The following ARHGAP42 variants were observed in gnomAD, a reference collection of about 807,000 sequenced individuals.
ARHGAP42 encodes rho GTPase-activating protein 42.
ARHGAP42 carries 63 observed loss-of-function variants against 125.0 expected under a neutral mutation model. The observed-to-expected ratio is 0.50, with a 90% CI of 0.41 to 0.62. ARHGAP42 has a LOEUF of 0.62. Among genes scored for constraint, ARHGAP42 ranks in the 20% least tolerant of loss-of-function variants. ARHGAP42 has a pLI of 0.00. For synonymous variants in ARHGAP42, 339 were observed against 351.0 expected, an observed-to-expected ratio of 0.97 and a Z score of 0.38; for missense variants, 766 against 1,024.2, an observed-to-expected ratio of 0.75 and a Z score of 3.44.
intron 1 of ARHGAP42, among the ~76,000 whole-genome samples, chr11:100,738,812 C>A (rs1862119381): frequency 6.6e-6 from 1 of 152,070 alleles, no homozygotes; most frequent in Non-Finnish European, 1.5e-5. Context: ...ATTTTGTTTT[C>A]TTTTTAAGAA....
chr11:100,836,074 A>C (rs1864780811), intron 3 of ARHGAP42, among the ~76,000 whole-genome samples: 1 of 152,144 alleles, frequency 6.6e-6, no homozygotes. Context: ...TCAAGTCATT[A>C]GAGCTTTGGA....
intron 1 of ARHGAP42, among the ~76,000 whole-genome samples, chr11:100,733,034 T>C (rs867162431): frequency 6.6e-6 from 1 of 152,178 alleles, no homozygotes; most frequent in Non-Finnish European, 1.5e-5. Context: ...TCACCACAAA[T>C]CCAGTGTAAC....
intron 4 of ARHGAP42, among the ~76,000 whole-genome samples, chr11:100,882,388 A>G (rs1865982565): frequency 6.6e-6 from 1 of 151,854 alleles, no homozygotes; most frequent in South Asian, 2.1e-4. Context: ...TATGTGGTGT[A>G]TCACATTTAT....
chr11:100,719,938 C>A (rs1453359112), intron 1 of ARHGAP42, among the ~76,000 whole-genome samples: 1 of 152,228 alleles, frequency 6.6e-6, no homozygotes, highest in Admixed American at 6.5e-5. Flanking sequence ...TCACCCCCAA[C>A]CTTGCCTCCC....
At chr11:100,816,831 G>T (rs1351218664) in intron 3 of ARHGAP42, 1 of 152,172 alleles carries the variant, frequency 6.6e-6, no homozygotes, top group Admixed American at 6.6e-5. Flanking sequence ...CTTGGATGAG[G>T]ATGAGACAAG....
At chr11:100,930,262 G>A (rs1035525103) in intron 6 of ARHGAP42, among the ~76,000 whole-genome samples, 1 of 152,160 alleles carries the variant, frequency 6.6e-6, no homozygotes, top group East Asian at 1.9e-4. Flanking sequence ...AATTCTTAAA[G>A]CTTTTCAGGC....
intron 1 of ARHGAP42, among the ~76,000 whole-genome samples, chr11:100,759,263 T>A (rs540099052): frequency 6.6e-6 from 1 of 152,294 alleles, no homozygotes; most frequent in East Asian, 1.9e-4. Flanking sequence ...TGATTTGATG[T>A]CCATATCTTA....
Position 100,745,011 on chromosome 11 carries a change from T to C in ARHGAP42, c.155-25332T>C, listed in dbSNP as rs1405377596. Among the ~76,000 whole-genome samples, 6 of 151,444 alleles carry C rather than the reference T, an allele frequency of 4.0e-5. No individual in the cohort carries two copies. The East Asian group carries it at 5.8e-4, about 15-fold the overall frequency. On this transcript the variant is annotated intron_variant, in intron 1 of 23. Coordinates refer to ENST00000298815, the MANE Select transcript of ARHGAP42 (RefSeq NM_152432.4). ...ACTGCACAGGCTAAACTAATTACGATTGGCTAATTTAAAGAGAGTGATGGG... is the reference window on the plus strand; with the variant it reads ...ACTGCACAGGCTAAACTAATTACGACTGGCTAATTTAAAGAGAGTGATGGG...
At chr11:100,741,074 AGGCTGGAGTGCAGT>A (rs1466963304) in intron 1 of ARHGAP42, among the ~76,000 whole-genome samples, 1 of 152,170 alleles carries the variant, frequency 6.6e-6, no homozygotes, top group Non-Finnish European at 1.5e-5. Flanking sequence ...GCTGTCTCCA[AGGCTGGAGTGCAGT>A]GGCAAGATCT....
intron 6 of ARHGAP42, among the ~76,000 whole-genome samples, chr11:100,924,117 T>C (rs1249468832): frequency 6.6e-6 from 1 of 152,146 alleles, no homozygotes; most frequent in African/African-American, 2.4e-5. Flanking sequence ...TGCAGAAATC[T>C]AGTAGTCTAT....
intron 18 of ARHGAP42, 74 bp downstream of exon 18, chr11:100,973,408 T>C: frequency 7.0e-7 from 1 of 1,426,928 alleles, no homozygotes; most frequent in Non-Finnish European, 9.5e-7. Context: ...ATTTGATCTG[T>C]GAGCTCATGA....
In ARHGAP42 at chr11:100,703,390, A is replaced by AT. The variant is rs897571584; in HGVS notation, c.154+15567dup. On this transcript the variant is annotated intron_variant, in intron 1 of 23. Transcript: ENST00000298815. ...TAATAACATATTATGAAGATGTAGC[A>AT]TTTTTTTTTCACTTGCTCTTGGCAG... Among the ~76,000 whole-genome samples, 19 of 151,098 alleles carry AT rather than the reference A, an allele frequency of 1.3e-4. 1 individual carries two copies. The South Asian group carries it at 2.1e-3, about 17-fold the overall frequency.
chr11:100,800,930 A>G (rs578118346), intron 3 of ARHGAP42, among the ~76,000 whole-genome samples: 3 of 152,358 alleles, frequency 2.0e-5, no homozygotes, highest in South Asian at 4.1e-4. Context: ...TATTAAAACA[A>G]TGATAGTATA....
chr11:100,967,794 A>G (rs1858135721), intron 17 of ARHGAP42, among the ~76,000 whole-genome samples: 1 of 151,940 alleles, frequency 6.6e-6, no homozygotes, highest in South Asian at 2.1e-4. Context: ...GCCTACTGCA[A>G]CCTCCATCTC....
At chr11:100,757,100 T>C (rs770109456) in intron 1 of ARHGAP42, among the ~76,000 whole-genome samples, 1 of 152,186 alleles carries the variant, frequency 6.6e-6, no homozygotes, top group East Asian at 1.9e-4. Flanking sequence ...GGTGAGAATA[T>C]AGGAAGATCA....
At chr11:100,842,741 A>C (rs1291894277) in intron 3 of ARHGAP42, among the ~76,000 whole-genome samples, 1 of 152,186 alleles carries the variant, frequency 6.6e-6, no homozygotes, top group South Asian at 2.1e-4. Flanking sequence ...AATGAAATCA[A>C]AATAGAAATT....
At chr11:100,748,748 G>A (rs1862366726) in intron 1 of ARHGAP42, among the ~76,000 whole-genome samples, 1 of 152,228 alleles carries the variant, frequency 6.6e-6, no homozygotes, top group African/African-American at 2.4e-5. Context: ...GAAGGCTACG[G>A]GTTGTCAGTG....
intron 1 of ARHGAP42, among the ~76,000 whole-genome samples, chr11:100,732,157 A>G (rs1210673698): frequency 2.0e-5 from 3 of 151,980 alleles, no homozygotes; most frequent in Non-Finnish European, 2.9e-5. Flanking sequence ...GGGTTTCTCC[A>G]TGCTGGTCAG....
At chr11:100,778,814 A>G (rs1448175754) in intron 2 of ARHGAP42, among the ~76,000 whole-genome samples, 1 of 152,200 alleles carries the variant, frequency 6.6e-6, no homozygotes, top group African/African-American at 2.4e-5. Flanking sequence ...AAAACTTGTC[A>G]TGTCACAAGC....
Sources: gnomAD v4.1 joint callset for allele counts (sites outside exome capture counted in the v4.1 genomes callset) on GRCh38, gnomAD v4.1.1 for gene constraint, MANE v1.5 for transcripts, NCBI Gene and HGNC (gene_info 2026-07-23, HGNC 2026-07-21) for gene names.